The following ADAMTS6 variants were observed in gnomAD, a reference collection of about 807,000 sequenced individuals.
ADAMTS6 encodes the protein ADAM metallopeptidase with thrombospondin type 1 motif 6.
In ADAMTS6, 23 loss-of-function variants were observed where a neutral mutation model predicts 144.3. The ratio of observed to expected loss-of-function variants is 0.16; its 90% CI spans 0.11 to 0.23. ADAMTS6 has a LOEUF of 0.23. Ranked by LOEUF, ADAMTS6 falls within the 10% of genes least tolerant of loss-of-function variation. The probability of loss-of-function intolerance (pLI) is 1.00; values close to 1 mark genes in which losing one functional copy is unlikely to be tolerated. For synonymous variants in ADAMTS6, 444 were observed against 457.5 expected (o/e 0.97, Z 0.38); for missense variants, 999 against 1,379.6 (o/e 0.72, Z 4.37).
At chr5:65,460,599 C>T (rs960109769) in intron 3 of ADAMTS6, among the ~76,000 whole-genome samples, 3 of 152,316 alleles carry the variant, frequency 2.0e-5, no homozygotes, top group Middle Eastern at 3.4e-3. Context: ...AATCTCACAA[C>T]GACTCTGTGA....
intron 7 of ADAMTS6, among the ~76,000 whole-genome samples, chr5:65,341,248 A>G (rs1747791797): frequency 6.6e-6 from 1 of 152,054 alleles, no homozygotes; most frequent in African/African-American, 2.4e-5. Context: ...TGCATAAATC[A>G]AAAAACTAAA....
intron 24 of ADAMTS6, among the ~76,000 whole-genome samples, chr5:65,163,521 A>G (rs1056305795): frequency 6.6e-6 from 1 of 152,240 alleles, no homozygotes; most frequent in Admixed American, 6.5e-5. Context: ...ATCTTGTCAT[A>G]CAAGATCACT....
chr5:65,423,840 A>G (rs1756278495), intron 7 of ADAMTS6, among the ~76,000 whole-genome samples: 1 of 152,184 alleles, frequency 6.6e-6, no homozygotes, highest in Admixed American at 6.5e-5. Context: ...TGCTACTTCA[A>G]AAAACAGAAC....
intron 2 of ADAMTS6, among the ~76,000 whole-genome samples, chr5:65,471,692 T>C (rs1760457197): frequency 6.6e-6 from 1 of 151,130 alleles, no homozygotes; most frequent in Admixed American, 6.6e-5. Flanking sequence ...TGGGAGGTGG[T>C]GGTTGCAGTG....
intron 24 of ADAMTS6, among the ~76,000 whole-genome samples, chr5:65,155,482 T>C (rs1752357324): frequency 6.6e-6 from 1 of 152,216 alleles, no homozygotes; most frequent in Admixed American, 6.5e-5. Flanking sequence ...CAGTGGTAAG[T>C]ATTTGTGTAT....
chr5:65,163,121 C>G (rs568232743), intron 24 of ADAMTS6, among the ~76,000 whole-genome samples: 47 of 152,202 alleles, frequency 3.1e-4, no homozygotes, highest in Middle Eastern at 6.8e-3. Context: ...TGCTGCCCAG[C>G]ATGGTCTTGA....
chr5:65,353,569 T>C (rs1371416096), intron 7 of ADAMTS6, among the ~76,000 whole-genome samples: 4 of 152,046 alleles, frequency 2.6e-5, no homozygotes, highest in Admixed American at 6.6e-5. Flanking sequence ...TAAATAAAAT[T>C]ACTGTGATAT....
rs910579305 is a variant in ADAMTS6 at position 65,473,956 on chromosome 5, GA to G, written c.-279-5del. 2.3e-3 allele frequency: 819 copies of G among 349,396 alleles called. No individual in the cohort carries two copies. The highest frequency in any genetic ancestry group is 5.5e-3 in the Middle Eastern group (7 of 1,276). 21.6% of individuals were successfully genotyped at this position (349,396 alleles called of 1,614,324 possible). A position where few individuals can be genotyped will look rare whatever the true frequency, so the allele number is the denominator to read the frequency against. ...TAAAGTATGGCCATTTTTTAACCTA[GA>G]AAAAAAAAAATTTAAGTTAACTGAA... On this transcript the variant is annotated splice_polypyrimidine_tract_variant and splice_region_variant and intron_variant, in intron 1 of 24. Transcript: ENST00000381055.
At chr5:65,310,806 A>T (rs1264981076) in intron 9 of ADAMTS6, among the ~76,000 whole-genome samples, 2 of 152,210 alleles carry the variant, frequency 1.3e-5, no homozygotes, top group Non-Finnish European at 2.9e-5. Flanking sequence ...TTTAAGTATT[A>T]TCAAAAAGTT....
chr5:65,338,363 A>G (rs2150071388), intron 7 of ADAMTS6, among the ~76,000 whole-genome samples: 1 of 152,344 alleles, frequency 6.6e-6, no homozygotes, highest in Non-Finnish European at 1.5e-5. Context: ...TGGACAATTG[A>G]GCAAGATCAA....
intron 7 of ADAMTS6, among the ~76,000 whole-genome samples, chr5:65,340,087 T>C (rs1367083639): frequency 2.6e-5 from 4 of 152,180 alleles, no homozygotes; most frequent in African/African-American, 9.6e-5. Context: ...AGTCAAATTG[T>C]CAAAAGTCAA....
chr5:65,390,209 A>G (rs927305305), intron 7 of ADAMTS6, among the ~76,000 whole-genome samples: 1 of 152,224 alleles, frequency 6.6e-6, no homozygotes, highest in African/African-American at 2.4e-5. Context: ...CAGGTTCACT[A>G]AAGTGAGAGA....
At chr5:65,221,775 T>G (rs1327108072) in intron 18 of ADAMTS6, among the ~76,000 whole-genome samples, 1 of 152,202 alleles carries the variant, frequency 6.6e-6, no homozygotes, top group East Asian at 1.9e-4. Context: ...CTGTTAGAAG[T>G]AATATGTGAG....
At chr5:65,464,310 T>A (rs1038962622) in intron 3 of ADAMTS6, among the ~76,000 whole-genome samples, 2 of 152,198 alleles carry the variant, frequency 1.3e-5, no homozygotes, top group Non-Finnish European at 2.9e-5. Flanking sequence ...AAAATATTTT[T>A]AAAATATAAT....
intron 11 of ADAMTS6, among the ~76,000 whole-genome samples, chr5:65,278,669 T>G (rs141880266): frequency 6.6e-6 from 1 of 152,338 alleles, no homozygotes; most frequent in East Asian, 1.9e-4. Flanking sequence ...TAATGCCAAT[T>G]TCTTCTTATA....
chr5:65,318,418 A>G (rs1376949654), intron 9 of ADAMTS6, among the ~76,000 whole-genome samples: 3 of 152,196 alleles, frequency 2.0e-5, no homozygotes, highest in Non-Finnish European at 4.4e-5. Context: ...TATGGAAGAG[A>G]TATCTGCACT....
At position 65,470,771 on chromosome 5, in the gene ADAMTS6, T is replaced by C; in HGVS notation, c.462+7A>G. On this transcript the variant is annotated splice_region_variant and intron_variant, in intron 3 of 24. Coordinates refer to ENST00000381055, the MANE Select transcript of ADAMTS6 (RefSeq NM_197941.4). ...ATCAGAAGTTTAAAATTATAGCATCTACTTACCAACCCAACACAGTTGCTT... is the reference window on the plus strand; with the variant it reads ...ATCAGAAGTTTAAAATTATAGCATCCACTTACCAACCCAACACAGTTGCTT... 1 of 1,543,608 alleles carries C rather than the reference T, an allele frequency of 6.5e-7. No individual in the cohort carries two copies. The highest frequency in any genetic ancestry group is 8.6e-7 in the Non-Finnish European group (1 of 1,157,918).
chr5:65,213,317 A>C (rs1756666576), intron 20 of ADAMTS6, among the ~76,000 whole-genome samples: 1 of 152,154 alleles, frequency 6.6e-6, no homozygotes, highest in Non-Finnish European at 1.5e-5. Context: ...AGTTGTAGTT[A>C]ATCATTGCTT....
intron 7 of ADAMTS6, among the ~76,000 whole-genome samples, chr5:65,403,054 CCTCCT>C (rs1301926124): frequency 1.2e-4 from 18 of 152,104 alleles, no homozygotes; most frequent in Admixed American, 2.6e-4. Context: ...TAGCTCCATC[CCTCCT>C]AATACAATAA....
Sources: gnomAD v4.1 joint callset for allele counts (sites outside exome capture counted in the v4.1 genomes callset) on GRCh38, gnomAD v4.1.1 for gene constraint, MANE v1.5 for transcripts, NCBI Gene and HGNC (gene_info 2026-07-23, HGNC 2026-07-21) for gene names.